Variants in TRAPPC9 observed in about 807,000 individuals in gnomAD.
TRAPPC9 encodes the protein trafficking protein particle complex subunit 9.
A neutral mutation model predicts 124.0 loss-of-function variants in TRAPPC9; 83 were observed. The observed-to-expected ratio is 0.67, with a 90% CI of 0.56 to 0.80. The LOEUF (loss-of-function observed/expected upper bound fraction) is 0.80, where lower values mean the gene tolerates loss of function less well. TRAPPC9 is among the 30% of genes least tolerant of loss of function. The probability of loss-of-function intolerance (pLI) is 0.00; values close to 1 mark genes in which losing one functional copy is unlikely to be tolerated. For synonymous variants in TRAPPC9, 638 were observed against 617.5 expected (o/e 1.03, Z -0.49); for missense variants, 1,302 against 1,508.3 (o/e 0.86, Z 2.27).
At chr8:140,438,759 C>A (rs1165400166) in intron 3 of TRAPPC9, among the ~76,000 whole-genome samples, 1 of 152,110 alleles carries the variant, frequency 6.6e-6, no homozygotes, top group Non-Finnish European at 1.5e-5. Flanking sequence ...GTTGTGCAAC[C>A]TCTGCTCACT....
At chr8:140,397,334 C>T (rs1281874077) in intron 7 of TRAPPC9, among the ~76,000 whole-genome samples, 2 of 152,012 alleles carry the variant, frequency 1.3e-5, no homozygotes, top group African/African-American at 4.8e-5. Flanking sequence ...AGACAAGAGG[C>T]GTAAAGCTTG....
intron 21 of TRAPPC9, among the ~76,000 whole-genome samples, chr8:139,796,407 G>A (rs1823099973): frequency 6.6e-6 from 1 of 152,168 alleles, no homozygotes; most frequent in Admixed American, 6.5e-5. Context: ...TGATGCATCA[G>A]ACGCCTCCCC....
chr8:139,839,157 G>A lies in TRAPPC9; in HGVS notation c.3055+46722C>T, dbSNP rs144792676. Among the ~76,000 whole-genome samples, 1,396 of 152,336 alleles carry A rather than the reference G, an allele frequency of 9.2e-3. 8 individuals are homozygous for A. The highest frequency in any genetic ancestry group is 0.014 in the Non-Finnish European group (958 of 68,026). On this transcript the variant is annotated intron_variant, in intron 21 of 22. Coordinates refer to ENST00000438773, the MANE Select transcript of TRAPPC9 (RefSeq NM_001160372.4). ...GCTGGGCCTAGCACTGTGCTTGTCC[G>A]GGACGTGGCACAGGCCTGGGCCCAG... is the stretch of plus-strand genomic sequence containing the variant.
chr8:139,954,796 C>G (rs766615128), intron 19 of TRAPPC9, among the ~76,000 whole-genome samples: 3 of 152,132 alleles, frequency 2.0e-5, no homozygotes, highest in African/African-American at 7.2e-5. Flanking sequence ...AAGATTTGCC[C>G]TGGTTTGAAT....
chr8:140,264,233 G>A (rs544267728), intron 15 of TRAPPC9, among the ~76,000 whole-genome samples: 1 of 152,300 alleles, frequency 6.6e-6, no homozygotes, highest in Admixed American at 6.5e-5. Context: ...AATTGCACGA[G>A]TAACAGGTTT....
intron 17 of TRAPPC9, among the ~76,000 whole-genome samples, chr8:140,190,900 G>A (rs2062476135): frequency 6.6e-6 from 1 of 152,172 alleles, no homozygotes; most frequent in Non-Finnish European, 1.5e-5. Flanking sequence ...GCGTGTTTTT[G>A]CTGCCACCAA....
At chr8:140,303,167 T>C (rs1312360368) in intron 10 of TRAPPC9, among the ~76,000 whole-genome samples, 1 of 152,152 alleles carries the variant, frequency 6.6e-6, no homozygotes, top group Non-Finnish European at 1.5e-5. Flanking sequence ...TCAAAGCAAC[T>C]CGAAGCTCAC....
At chr8:140,453,518 A>ACTAT in intron 1 of TRAPPC9, among the ~76,000 whole-genome samples, 1 of 30,438 alleles carries the variant, frequency 3.3e-5, no homozygotes, top group Non-Finnish European at 7.9e-5. Flanking sequence ...GCTATCCTGG[A>ACTAT]CATCACAACC....
At chr8:140,222,152 T>G (rs2131325548) in intron 16 of TRAPPC9, among the ~76,000 whole-genome samples, 1 of 152,262 alleles carries the variant, frequency 6.6e-6, no homozygotes, top group East Asian at 1.9e-4. Context: ...CAGGCTGGAA[T>G]GAGTTCCCCT....
At position 139,836,018 on chromosome 8, in the gene TRAPPC9, ATT is replaced by A. The variant is rs202133497; in HGVS notation, c.3055+49859_3055+49860del. Among the ~76,000 whole-genome samples the A allele has an allele frequency of 7.9e-3, 801 of 101,152 alleles. 10 individuals are homozygous for A. Among genetic ancestry groups the A allele is most frequent in the South Asian group, 0.027 (95 of 3,578 alleles). 66.4% of individuals were successfully genotyped at this position (101,152 alleles called of 152,430 possible). On this transcript the variant is annotated intron_variant, in intron 21 of 22. Coordinates refer to ENST00000438773, the MANE Select transcript of TRAPPC9 (RefSeq NM_001160372.4). ...AAGGGAAGCATTTATTTATTTATTT[ATT>A]TTTTTTGAGACAGAGTCTCACTCCG...
intron 21 of TRAPPC9, among the ~76,000 whole-genome samples, chr8:139,831,941 G>A (rs906652197): frequency 2.0e-5 from 3 of 152,180 alleles, no homozygotes; most frequent in Non-Finnish European, 2.9e-5. Flanking sequence ...TCCTGGCTAC[G>A]TTTCAGAGTG....
intron 10 of TRAPPC9, among the ~76,000 whole-genome samples, chr8:140,307,999 G>A (rs989181199): frequency 5.3e-5 from 8 of 152,076 alleles, no homozygotes; most frequent in African/African-American, 1.9e-4. Flanking sequence ...AACTTACAAA[G>A]AAAGTATAGT....
intron 19 of TRAPPC9, among the ~76,000 whole-genome samples, chr8:139,928,561 C>T (rs1832941048): frequency 6.6e-6 from 1 of 151,836 alleles, no homozygotes; most frequent in Admixed American, 6.6e-5. Context: ...GACTGAAGTT[C>T]CTTGACCTCA....
intron 17 of TRAPPC9, among the ~76,000 whole-genome samples, chr8:140,113,511 T>C (rs1315348869): frequency 1.3e-5 from 2 of 152,218 alleles, no homozygotes; most frequent in African/African-American, 4.8e-5. Context: ...GAGACCACCC[T>C]TTCCCGGCTT....
chr8:139,971,808 T>C (rs1232035545), intron 19 of TRAPPC9, among the ~76,000 whole-genome samples: 1 of 147,028 alleles, frequency 6.8e-6, no homozygotes, highest in Non-Finnish European at 1.5e-5. Flanking sequence ...TATATACATA[T>C]ATATATATAC....
At chr8:140,044,103 T>G (rs944449972) in intron 17 of TRAPPC9, among the ~76,000 whole-genome samples, 2 of 152,050 alleles carry the variant, frequency 1.3e-5, no homozygotes, top group African/African-American at 4.8e-5. Flanking sequence ...CCTGAAGACG[T>G]GCCAAGGTAG....
At position 140,450,727 on chromosome 8, in the gene TRAPPC9, G is replaced by A. The variant is rs551618045; in HGVS notation, c.584+63C>T. 1.9e-5 allele frequency: 24 copies of A among 1,264,322 alleles called. No individual in the cohort carries two copies. The African/African-American group carries it at 3.1e-4, about 16-fold the overall frequency. The allele number at this position is 1,264,322 out of a possible 1,614,324, so 78.3% of individuals were successfully genotyped here. A position where few individuals can be genotyped will look rare whatever the true frequency, so the allele number is the denominator to read the frequency against. ...CTACTCCTTGCTGCAATGAAATTCT[G>A]CCCTGTGCTTTCCCTTTCTGATGCA... On this transcript the variant is annotated intron_variant, in intron 2 of 22. Coordinates refer to ENST00000438773, the MANE Select transcript of TRAPPC9 (RefSeq NM_001160372.4).
chr8:139,892,749 T>A (rs1830424924), intron 20 of TRAPPC9, among the ~76,000 whole-genome samples: 1 of 152,136 alleles, frequency 6.6e-6, no homozygotes, highest in Non-Finnish European at 1.5e-5. Context: ...GCTTGGGTAC[T>A]CCTCCACTAT....
chr8:139,739,706 A>G (rs137997603), intron 21 of TRAPPC9, among the ~76,000 whole-genome samples: 88 of 152,268 alleles, frequency 5.8e-4, no homozygotes, highest in South Asian at 3.7e-3. Context: ...ACATTCATGT[A>G]TTTTCTCATG....
Sources: allele counts gnomAD v4.1 joint callset (sites outside exome capture counted in the v4.1 genomes callset), GRCh38; gene constraint gnomAD v4.1.1; transcripts MANE v1.5; gene names NCBI Gene and HGNC (gene_info 2026-07-23, HGNC 2026-07-21).